AFTPH: variants seen among roughly 807,000 people sequenced by gnomAD.
AFTPH encodes the protein aftiphilin.
Under a neutral mutation model 72.5 loss-of-function variants are expected in AFTPH, and 7 were observed. That is an observed-to-expected ratio of 0.10 (90% CI 0.05 to 0.18). The LOEUF is 0.18. AFTPH is among the 10% of genes least tolerant of loss of function. The probability of loss-of-function intolerance (pLI) is 1.00; values close to 1 mark genes in which losing one functional copy is unlikely to be tolerated. For synonymous variants in AFTPH, 337 were observed against 370.1 expected (o/e 0.91, Z 1.03); for missense variants, 979 against 1,060.5 (o/e 0.92, Z 1.07).
chr2:64,590,875 C>A (rs957335624), intron 8 of AFTPH, among the ~76,000 whole-genome samples: 5 of 152,170 alleles, frequency 3.3e-5, no homozygotes, highest in African/African-American at 1.2e-4. Context: ...TCCTGGCTTC[C>A]TGCACCCCAT....
In AFTPH at chr2:64,563,808, A is replaced by G. The variant is rs536259213; in HGVS notation, c.1936-3754A>G. 1.2e-4 allele frequency among the ~76,000 whole-genome samples: 18 copies of G among 152,264 alleles called. 1 individual carries two copies. In the South Asian group the frequency reaches 3.7e-3, roughly 32 times the overall value. On this transcript the variant is annotated intron_variant, in intron 2 of 8. Transcript: ENST00000238856. ...CTTTTAGTAGAGACACGGTTTCACAATGTTGGTCAGGCTGGTCTCGAACTC... is the reference window on the plus strand; with the variant it reads ...CTTTTAGTAGAGACACGGTTTCACAGTGTTGGTCAGGCTGGTCTCGAACTC...
chr2:64,555,561 A>ACT (rs1041812793), intron 2 of AFTPH, among the ~76,000 whole-genome samples: 12 of 114,614 alleles, frequency 1.0e-4, no homozygotes, highest in African/African-American at 3.2e-4. Context: ...ACTGTCACAC[A>ACT]CACACACACA....
chr2:64,532,325 C>CT (rs1669672662), intron 1 of AFTPH, among the ~76,000 whole-genome samples: 1 of 152,068 alleles, frequency 6.6e-6, no homozygotes, highest in Non-Finnish European at 1.5e-5. Flanking sequence ...GGTTTAAAGT[C>CT]TTTGTTAAAA....
chr2:64,578,779 C>G (rs995497684), intron 6 of AFTPH: 1 of 152,322 alleles, frequency 6.6e-6, no homozygotes, highest in South Asian at 2.1e-4. Flanking sequence ...AGGATGGTCT[C>G]GATCTCCTGA....
chr2:64,545,614 AC>A (rs1399037109), intron 1 of AFTPH, among the ~76,000 whole-genome samples: 1 of 112,262 alleles, frequency 8.9e-6, no homozygotes, highest in East Asian at 2.7e-4. Flanking sequence ...AAAAAAAAAG[AC>A]CTGACCTATT....
In AFTPH at chr2:64,569,079, A is replaced by T. The variant is rs1434038662; in HGVS notation, c.2088-13A>T. 4 of 1,613,834 alleles carry T rather than the reference A, an allele frequency of 2.5e-6. No homozygotes were observed. The African/African-American group carries it at 5.3e-5, about 22-fold the overall frequency. On this transcript the variant is annotated splice_polypyrimidine_tract_variant and intron_variant, in intron 3 of 8. Transcript: ENST00000238856. ...GTAACCTGTTGTTGATGGCTTCATC[A>T]TGGCCTTTGCAGGGAATTGCTAGAT... is the stretch of plus-strand genomic sequence containing the variant.
chr2:64,570,836 C>T (rs1326307979), intron 5 of AFTPH, among the ~76,000 whole-genome samples: 1 of 150,160 alleles, frequency 6.7e-6, no homozygotes. Context: ...GAGGCTAAAG[C>T]TTATGCTTTA....
rs1392330634 is a variant in AFTPH, at chr2:64,524,405, AGAGGGCG to A, written c.-234_-228del. 2.5e-6 allele frequency: 1 copy of A among 404,516 alleles called. No individual in the cohort carries two copies. The highest frequency in any genetic ancestry group is 4.4e-6 in the Non-Finnish European group (1 of 229,856). The allele number at this position is 404,516 out of a possible 1,614,324, so 25.1% of individuals were successfully genotyped here. ...TGGAGGAGGCGGCGGCGGCGGCGGAAGAGGGCGGAGGGTAGTGGGATGGGGGTCCCGC... is the reference window on the plus strand; with the variant it reads ...TGGAGGAGGCGGCGGCGGCGGCGGAAGAGGGTAGTGGGATGGGGGTCCCGC... On this transcript the variant is annotated 5_prime_UTR_variant, in exon 1 of 9. The change creates a premature stop within an existing upstream ORF in the 5' untranslated region. Transcript: ENST00000238856.
chr2:64,591,855 T>C (rs776706467), intron 8 of AFTPH, 33 bp from the exon 10 acceptor site: 1 of 1,611,940 alleles, frequency 6.2e-7, no homozygotes, highest in East Asian at 2.2e-5. Context: ...AAAGTCACAT[T>C]AACACACTTG....
At chr2:64,586,135 G>C (rs535848877) in intron 8 of AFTPH, among the ~76,000 whole-genome samples, 1 of 152,188 alleles carries the variant, frequency 6.6e-6, no homozygotes, top group Non-Finnish European at 1.5e-5. Flanking sequence ...GCGATTCAGA[G>C]AATCTTTAGT....
chr2:64,526,065 T>G (rs568112265), intron 1 of AFTPH, among the ~76,000 whole-genome samples: 51 of 152,330 alleles, frequency 3.3e-4, no homozygotes, highest in African/African-American at 1.2e-3. Flanking sequence ...TCACATAATA[T>G]GTAGGGCATT....
At position 64,581,545 on chromosome 2, in the gene AFTPH, G is replaced by GT. The variant is rs887830821; in HGVS notation, c.2455+2008dup. Among the ~76,000 whole-genome samples, 10 of 150,870 alleles carry GT rather than the reference G, an allele frequency of 6.6e-5. No individual in the cohort carries two copies. The East Asian group carries it at 1.4e-3, about 20-fold the overall frequency. ...TAGACAGTTAAAGGCAGGGCTGTTG[G>GT]TTTTTTTTTCCTCTAAGTGGAAAAT... is the stretch of plus-strand genomic sequence containing the variant. On this transcript the variant is annotated intron_variant, in intron 7 of 8. Coordinates refer to ENST00000238856, the Ensembl canonical transcript of AFTPH.
intron 1 of AFTPH, among the ~76,000 whole-genome samples, chr2:64,525,818 T>C (rs920293533): frequency 1.3e-5 from 2 of 152,202 alleles, no homozygotes; most frequent in African/African-American, 2.4e-5. Flanking sequence ...TTCGCAGAGG[T>C]ATATTTGTTT....
chr2:64,585,108 T>C (rs1673433363), intron 7 of AFTPH, among the ~76,000 whole-genome samples: 1 of 152,198 alleles, frequency 6.6e-6, no homozygotes, highest in Admixed American at 6.5e-5. Context: ...CACATCCTAA[T>C]CCAAATTGGG....
At chr2:64,586,018 T>TAC (rs1222528525) in intron 8 of AFTPH, among the ~76,000 whole-genome samples, 2 of 152,202 alleles carry the variant, frequency 1.3e-5, no homozygotes, top group African/African-American at 4.8e-5. Context: ...AGCCTTACTT[T>TAC]ACCAGGCTTT....
chr2:64,547,195 C>T (rs955887778), intron 1 of AFTPH, among the ~76,000 whole-genome samples: 1 of 152,172 alleles, frequency 6.6e-6, no homozygotes, highest in Admixed American at 6.5e-5. Context: ...GGAAGGAGAC[C>T]AAGTGCTGCG....
At chr2:64,579,054 A>G (rs950581539) in intron 6 of AFTPH, 1 of 153,528 alleles carries the variant, frequency 6.5e-6, no homozygotes, top group Non-Finnish European at 1.4e-5. Context: ...CACTTTAAAA[A>G]TGTCTTATTA....
intron 2 of AFTPH, among the ~76,000 whole-genome samples, chr2:64,564,932 T>C (rs1671973231): frequency 6.6e-6 from 1 of 151,726 alleles, no homozygotes. Context: ...CCACCTCTCC[T>C]GGTTCAAGTG....
At chr2:64,554,625 TC>T (rs1391658488) in intron 2 of AFTPH, among the ~76,000 whole-genome samples, 1 of 152,238 alleles carries the variant, frequency 6.6e-6, no homozygotes, top group African/African-American at 2.4e-5. Flanking sequence ...GCATAGCTAA[TC>T]GCTTTTTAGT....
Sources: allele counts gnomAD v4.1 joint callset (sites outside exome capture counted in the v4.1 genomes callset), GRCh38; gene constraint gnomAD v4.1.1; transcripts MANE v1.5; gene names NCBI Gene and HGNC (gene_info 2026-07-23, HGNC 2026-07-21).